The following ACACA variants were observed in gnomAD, a reference collection of about 807,000 sequenced individuals.
ACACA encodes the protein acetyl-CoA carboxylase alpha.
ACACA carries 103 observed loss-of-function variants against 296.1 expected under a neutral mutation model. The ratio of observed to expected loss-of-function variants is 0.35; its 90% CI spans 0.30 to 0.41. The LOEUF (loss-of-function observed/expected upper bound fraction) is 0.41. ACACA is among the 10% of genes least tolerant of loss of function. The pLI, the probability that ACACA is intolerant of heterozygous loss-of-function variation, is 1.00. For synonymous variants in ACACA, 953 were observed against 1,038.6 expected (o/e 0.92, Z 1.58); for missense variants, 1,554 against 2,989.7 (o/e 0.52, Z 11.20).
chr17:37,111,908 A>G (rs1228621179), intron 51 of ACACA, among the ~76,000 whole-genome samples: 1 of 152,194 alleles, frequency 6.6e-6, no homozygotes, highest in African/African-American at 2.4e-5. Context: ...GGAGAAGAAT[A>G]CAGATTCCAC....
At chr17:37,258,987 A>C (rs1243915328) in intron 12 of ACACA, among the ~76,000 whole-genome samples, 2 of 152,208 alleles carry the variant, frequency 1.3e-5, no homozygotes, top group Non-Finnish European at 2.9e-5. Context: ...TTCAACCACT[A>C]ATCTCTGATG....
chr17:37,147,571 G>T (rs1055139642), intron 45 of ACACA, among the ~76,000 whole-genome samples: 1 of 152,168 alleles, frequency 6.6e-6, no homozygotes, highest in Non-Finnish European at 1.5e-5. Context: ...AGGCAAAGGG[G>T]CTAATAGGAT....
chr17:37,360,526 C>T (rs754685823), intron 1 of ACACA: 106 of 152,222 alleles, frequency 7.0e-4, no homozygotes, highest in Non-Finnish European at 1.2e-3. Flanking sequence ...CACAGTGGCA[C>T]GTACCTGGAC....
intron 1 of ACACA, chr17:37,391,597 C>T: frequency 4.6e-6 from 7 of 1,537,318 alleles, no homozygotes; most frequent in Non-Finnish European, 6.3e-6. Flanking sequence ...ACATGAAGAA[C>T]TATACACTTG....
chr17:37,138,586 G>C (rs2075427321), intron 45 of ACACA, among the ~76,000 whole-genome samples: 1 of 152,194 alleles, frequency 6.6e-6, no homozygotes, highest in South Asian at 2.1e-4. Flanking sequence ...TGCACAAAGA[G>C]CTCCCTGTCA....
chr17:37,250,766 C>T (rs560629795), intron 16 of ACACA, among the ~76,000 whole-genome samples: 1 of 152,236 alleles, frequency 6.6e-6, no homozygotes, highest in Non-Finnish European at 1.5e-5. Flanking sequence ...TGGCTCACGC[C>T]TGTAATCCCA....
At chr17:37,263,417 A>G (rs2081605164) in intron 11 of ACACA, among the ~76,000 whole-genome samples, 1 of 152,304 alleles carries the variant, frequency 6.6e-6, no homozygotes, top group South Asian at 2.1e-4. Flanking sequence ...TAAAAATTCC[A>G]AAACATTTCT....
At chr17:37,235,775 G>A (rs1168159954) in intron 24 of ACACA, among the ~76,000 whole-genome samples, 1 of 152,146 alleles carries the variant, frequency 6.6e-6, no homozygotes, top group Admixed American at 6.5e-5. Context: ...ATAGATCAAG[G>A]AGAACCTTGC....
intron 3 of ACACA, among the ~76,000 whole-genome samples, chr17:37,302,583 AC>A (rs1348730905): frequency 4.7e-5 from 7 of 149,884 alleles, no homozygotes; most frequent in Non-Finnish European, 1.0e-4. Flanking sequence ...GTGAGCCACC[AC>A]CCCTGGCTGA....
chr17:37,336,671 T>G (rs1406722502), intron 2 of ACACA, among the ~76,000 whole-genome samples: 1 of 152,172 alleles, frequency 6.6e-6, no homozygotes, highest in East Asian at 1.9e-4. Flanking sequence ...CTATTAAATC[T>G]TGCAACTGCA....
chr17:37,139,397 G>A (rs985504752), intron 45 of ACACA, among the ~76,000 whole-genome samples: 9 of 152,162 alleles, frequency 5.9e-5, no homozygotes, highest in Admixed American at 5.2e-4. Flanking sequence ...AATGGATATA[G>A]GGTAGAGATA....
At chr17:37,189,993 A>G (rs968395457) in intron 38 of ACACA, among the ~76,000 whole-genome samples, 5 of 150,694 alleles carry the variant, frequency 3.3e-5, no homozygotes, top group African/African-American at 1.2e-4. Flanking sequence ...TGGGCAACAT[A>G]GCAAGACCCT....
At chr17:37,288,401 CA>C in intron 3 of ACACA, among the ~76,000 whole-genome samples, 1 of 152,110 alleles carries the variant, frequency 6.6e-6, no homozygotes, top group Admixed American at 6.5e-5. Context: ...GGAAACCAGA[CA>C]CAAAAAAGTA....
In ACACA at chr17:37,181,362, G is replaced by A; in HGVS notation, c.4777-6C>T. The A allele has an allele frequency of 6.2e-7, 1 of 1,610,066 alleles. No individual in the cohort carries two copies. The highest frequency in any genetic ancestry group is 8.5e-7 in the Non-Finnish European group (1 of 1,178,326). On this transcript the variant is annotated splice_region_variant and splice_polypyrimidine_tract_variant and intron_variant, in intron 39 of 55. Transcript: ENST00000616317. ...CCATATGCCTGAAACATGATCTGCAGGAAAAAAAAATGGCATGGGGAGTTA... is the reference window on the plus strand; with the variant it reads ...CCATATGCCTGAAACATGATCTGCAAGAAAAAAAAATGGCATGGGGAGTTA...
chr17:37,093,276 C>G (rs2072765479), intron 54 of ACACA, among the ~76,000 whole-genome samples: 1 of 152,156 alleles, frequency 6.6e-6, no homozygotes, highest in African/African-American at 2.4e-5. Flanking sequence ...GCTGTGTGAA[C>G]AATAAGAATG....
chr17:37,095,470 A>AC (rs1438474732), intron 54 of ACACA, among the ~76,000 whole-genome samples: 2 of 152,202 alleles, frequency 1.3e-5, no homozygotes, highest in Non-Finnish European at 2.9e-5. Context: ...TCCTAGAAGC[A>AC]CCCCAATTCA....
At chr17:37,348,909 A>G (rs1206949965) in intron 1 of ACACA, among the ~76,000 whole-genome samples, 1 of 150,028 alleles carries the variant, frequency 6.7e-6, no homozygotes, top group Admixed American at 6.7e-5. Context: ...AGATCGCGCC[A>G]CTGCACTCCA....
chr17:37,358,689 G>A (rs983847981), intron 1 of ACACA, among the ~76,000 whole-genome samples: 12 of 152,230 alleles, frequency 7.9e-5, no homozygotes, highest in Non-Finnish European at 1.6e-4. Context: ...GGGGTGGCGG[G>A]CGAGCTCCAG....
intron 8 of ACACA, 103 bp downstream of exon 8, chr17:37,275,848 A>G: frequency 1.0e-6 from 1 of 971,446 alleles, no homozygotes; most frequent in Non-Finnish European, 1.7e-6. Context: ...CCAGTATTCC[A>G]TTTCTTGTCA....
Sources: allele counts gnomAD v4.1 joint callset (sites outside exome capture counted in the v4.1 genomes callset), GRCh38; gene constraint gnomAD v4.1.1; transcripts MANE v1.5; gene names NCBI Gene and HGNC (gene_info 2026-07-23, HGNC 2026-07-21).